The following GNB5 variants were observed in gnomAD, a reference collection of about 807,000 sequenced individuals.
The protein encoded by GNB5 is guanine nucleotide-binding protein subunit beta-5.
GNB5 carries 37 observed loss-of-function variants against 55.3 expected under a neutral mutation model. That is an observed-to-expected ratio of 0.67 (90% confidence interval 0.51 to 0.88). The LOEUF (loss-of-function observed/expected upper bound fraction) is 0.88. GNB5 is among the 40% of genes least tolerant of loss of function. The pLI is 0.00. For synonymous variants in GNB5, 219 were observed against 198.5 expected, an observed-to-expected ratio of 1.10 and a Z score of -0.87; for missense variants, 476 against 515.3, an observed-to-expected ratio of 0.92 and a Z score of 0.74.
At chr15:52,175,720 C>T (rs1330314923) in intron 3 of GNB5, among the ~76,000 whole-genome samples, 1 of 148,392 alleles carries the variant, frequency 6.7e-6, no homozygotes, top group Admixed American at 6.9e-5. Context: ...GCCTGGGCGA[C>T]AGAGTGAGAC....
At chr15:52,185,882 G>A (rs557497344) in intron 1 of GNB5, among the ~76,000 whole-genome samples, 11 of 151,822 alleles carry the variant, frequency 7.2e-5, no homozygotes, top group Admixed American at 5.3e-4. Flanking sequence ...GGGTTTAAGC[G>A]ATTTTCCTGC....
intron 3 of GNB5, among the ~76,000 whole-genome samples, chr15:52,161,952 G>A (rs1048850818): frequency 2.0e-5 from 3 of 152,180 alleles, no homozygotes; most frequent in Non-Finnish European, 4.4e-5. Flanking sequence ...AGTCCAATAC[G>A]GAAAACAGAT....
intron 5 of GNB5, 26 bp downstream of exon 5, chr15:52,149,858 T>G: frequency 6.3e-7 from 1 of 1,582,766 alleles, no homozygotes; most frequent in African/African-American, 1.3e-5. Flanking sequence ...GAAGCCTCTA[T>G]AACGTGGCTG....
intron 10 of GNB5, among the ~76,000 whole-genome samples, chr15:52,126,322 T>A (rs1346854811): frequency 6.6e-6 from 1 of 151,928 alleles, no homozygotes; most frequent in African/African-American, 2.4e-5. Flanking sequence ...GAGACCCCAC[T>A]TTTTTTTCTG....
chr15:52,137,902 A>G (rs1050734083), intron 7 of GNB5: 45 of 1,286,752 alleles, frequency 3.5e-5, no homozygotes, highest in Admixed American at 2.1e-4. Context: ...CTCTTGCAGC[A>G]TAAGTGTCCA....
At chr15:52,127,469 A>G (rs1397314746) in intron 10 of GNB5, among the ~76,000 whole-genome samples, 2 of 152,108 alleles carry the variant, frequency 1.3e-5, no homozygotes, top group Admixed American at 1.3e-4. Context: ...TTTTCCATAT[A>G]TATTTGTTAT....
At chr15:52,151,738 G>C (rs1445644127) in intron 4 of GNB5, among the ~76,000 whole-genome samples, 3 of 152,212 alleles carry the variant, frequency 2.0e-5, no homozygotes, top group Non-Finnish European at 4.4e-5. Context: ...AAAGGCTAGA[G>C]AGCGACATGG....
At chr15:52,147,679 G>A (rs189136430) in intron 5 of GNB5, 144 bp from the exon 6 acceptor site, 148 of 433,192 alleles carry the variant, frequency 3.4e-4, no homozygotes, top group East Asian at 1.3e-3. Flanking sequence ...ATCTGCCTCC[G>A]GGGTTCAAGC....
intron 3 of GNB5, 82 bp downstream of exon 3, chr15:52,179,686 G>C (rs1566950567): frequency 4.5e-5 from 33 of 740,020 alleles, no homozygotes; most frequent in East Asian, 9.3e-5. Context: ...AGCCACGACC[G>C]CCCCCACCGC....
rs967668006 is a variant in GNB5, at chr15:52,120,887, C to T, written c.*1870G>A. The T allele has an allele frequency of 1.3e-5, 2 of 152,316 alleles. No individual in the cohort carries two copies. Among genetic ancestry groups the T allele is most frequent in the African/African-American group, 4.8e-5 (2 of 41,476 alleles). 9.4% of individuals were successfully genotyped at this position (152,316 alleles called of 1,614,324 possible). ...GCCCTTCATTTTTCTCTCTCTACCC[C>T]AGACCCCAGTGTACAATAAAACCAC... On this transcript the variant is annotated 3_prime_UTR_variant, in exon 13 of 13. Coordinates refer to ENST00000261837, the MANE Select transcript of GNB5 (RefSeq NM_016194.4).
At chr15:52,122,932 G>A (rs1389802663) in intron 12 of GNB5, among the ~76,000 whole-genome samples, 164 bp from the exon 13 acceptor site, 2 of 151,826 alleles carry the variant, frequency 1.3e-5, no homozygotes, top group African/African-American at 4.9e-5. Context: ...TCCAAAATAG[G>A]GTGCTCATGT....
chr15:52,126,198 C>A (rs574543476), intron 10 of GNB5, 154 bp from the exon 11 acceptor site: 86 of 568,752 alleles, frequency 1.5e-4, no homozygotes, highest in Non-Finnish European at 2.3e-4. Flanking sequence ...ATCCTTTAGT[C>A]CCGACTCCTG....
At chr15:52,128,819 G>A (rs2033498030) in intron 9 of GNB5, 1 of 443,100 alleles carries the variant, frequency 2.3e-6, no homozygotes, top group Non-Finnish European at 4.6e-6. Context: ...TACTGCTATA[G>A]TCATTGTCTT....
chr15:52,166,490 G>A (rs994086965), intron 3 of GNB5, among the ~76,000 whole-genome samples: 12 of 152,240 alleles, frequency 7.9e-5, no homozygotes, highest in African/African-American at 2.6e-4. Context: ...CAGTCTCTCA[G>A]ACCACAGCGA....
At position 52,122,640 on chromosome 15, in the gene GNB5, T is replaced by C. The variant is rs1048037900; in HGVS notation, c.*117A>G. The stretch of plus-strand genomic sequence containing the variant: ...GAGACGCTTAGTGACCTGTGAGCCA[T>C]GGGTTGCTCCCCTAAGCTACACTGC... On this transcript the variant is annotated 3_prime_UTR_variant, in exon 13 of 13. Transcript: ENST00000261837. 3.7e-6 allele frequency: 3 copies of C among 804,642 alleles called. No homozygotes were observed. In the African/African-American group the frequency reaches 5.1e-5, roughly 14 times the overall value. The allele number at this position is 804,642 out of a possible 1,614,324, so 49.8% of individuals were successfully genotyped here.
chr15:52,149,476 TC>T, intron 5 of GNB5: 1 of 439,376 alleles, frequency 2.3e-6, no homozygotes, highest in Middle Eastern at 6.0e-4. Flanking sequence ...AGCCTCATCT[TC>T]CCCACCCTCC....
At chr15:52,179,968 C>G in intron 2 of GNB5, 89 bp from the exon 3 acceptor site, 1 of 1,360,684 alleles carries the variant, frequency 7.3e-7, no homozygotes, top group Non-Finnish European at 9.5e-7. Context: ...GTCCCCGGCC[C>G]CGAGCACCGC....
intron 6 of GNB5, chr15:52,144,039 G>A (rs1479169960): frequency 1.3e-5 from 2 of 152,266 alleles, no homozygotes; most frequent in African/African-American, 4.8e-5. Flanking sequence ...CCACATGCCA[G>A]GGTGGGGAAA....
intron 7 of GNB5, chr15:52,137,988 T>G: frequency 3.1e-6 from 4 of 1,283,892 alleles, no homozygotes; most frequent in African/African-American, 1.5e-5. Flanking sequence ...ACCGCTAGCA[T>G]GCAATGCAAC....
Sources: gnomAD v4.1 joint callset for allele counts (sites outside exome capture counted in the v4.1 genomes callset) on GRCh38, gnomAD v4.1.1 for gene constraint, MANE v1.5 for transcripts, NCBI Gene and HGNC (gene_info 2026-07-23, HGNC 2026-07-21) for gene names.